Variants in PDE4D observed in about 807,000 individuals in gnomAD.
The protein encoded by PDE4D is 3',5'-cyclic-AMP phosphodiesterase 4D.
Under a neutral mutation model 87.4 loss-of-function variants are expected in PDE4D, and 24 were observed. That is an observed-to-expected ratio of 0.27 (90% CI 0.20 to 0.39). The LOEUF (loss-of-function observed/expected upper bound fraction) is 0.39. Among genes scored for constraint, PDE4D ranks in the 10% least tolerant of loss-of-function variants. The pLI is 1.00. For missense variants in PDE4D, 714 were observed against 1,041.0 expected (o/e 0.69, Z 4.32); for synonymous variants, 384 against 383.2 (o/e 1.00, Z -0.02).
intron 1 of PDE4D, among the ~76,000 whole-genome samples, chr5:60,357,531 A>G (rs892268958): frequency 2.6e-5 from 4 of 152,134 alleles, no homozygotes; most frequent in South Asian, 2.1e-4. Context: ...CTGGGACTAG[A>G]GCCTGATTTT....
At chr5:59,509,386 A>G (rs907328296) in intron 1 of PDE4D, among the ~76,000 whole-genome samples, 5 of 151,014 alleles carry the variant, frequency 3.3e-5, no homozygotes, top group African/African-American at 9.7e-5. Context: ...AGAAACTTCT[A>G]AAAGACATTT....
chr5:59,541,046 A>G (rs1265907905), intron 1 of PDE4D, among the ~76,000 whole-genome samples: 4 of 152,148 alleles, frequency 2.6e-5, no homozygotes, highest in African/African-American at 9.7e-5. Context: ...AATTTAAAGA[A>G]ACGACGCCCT....
At position 58,972,344 on chromosome 5, in the gene PDE4D, G is replaced by A. The variant is rs1239134659; in HGVS notation, c.*2320C>T. 1.3e-5 allele frequency: 2 copies of A among 152,542 alleles called. No homozygotes were observed. The highest frequency in any genetic ancestry group is 6.6e-5 in the Admixed American group (1 of 15,266). 9.4% of individuals were successfully genotyped at this position (152,542 alleles called of 1,614,324 possible). A position where few individuals can be genotyped will look rare whatever the true frequency, so the allele number is the denominator to read the frequency against. ...AAGATTACCATCTGATCTTTACAGA[G>A]GAAACAGAGTAGAAACCTTGCAATT... On this transcript the variant is annotated 3_prime_UTR_variant, in exon 15 of 15. Transcript: ENST00000340635.
At chr5:59,819,560 A>G (rs1439236082) in intron 1 of PDE4D, among the ~76,000 whole-genome samples, 1 of 152,188 alleles carries the variant, frequency 6.6e-6, no homozygotes, top group Admixed American at 6.5e-5. Context: ...TTTTGGTACA[A>G]TTTTATGGAA....
At chr5:60,403,791 G>C (rs1285503194) in intron 1 of PDE4D, among the ~76,000 whole-genome samples, 1 of 152,210 alleles carries the variant, frequency 6.6e-6, no homozygotes, top group Admixed American at 6.5e-5. Context: ...TAGGTGCACA[G>C]CTGACCTTTG....
At chr5:59,441,003 A>T (rs1375237388) in intron 1 of PDE4D, among the ~76,000 whole-genome samples, 1 of 152,240 alleles carries the variant, frequency 6.6e-6, no homozygotes, top group African/African-American at 2.4e-5. Context: ...AAGTTTGAAG[A>T]TTTAAATATT....
At chr5:59,430,771 C>A (rs1289564838) in intron 1 of PDE4D, among the ~76,000 whole-genome samples, 1 of 152,024 alleles carries the variant, frequency 6.6e-6, no homozygotes, top group East Asian at 1.9e-4. Flanking sequence ...CCATTTTTGT[C>A]TAACGTTGAA....
intron 1 of PDE4D, among the ~76,000 whole-genome samples, chr5:59,363,433 TTAA>T (rs1292453909): frequency 6.6e-6 from 1 of 152,194 alleles, no homozygotes; most frequent in Non-Finnish European, 1.5e-5. Context: ...GAGGTCCCTC[TTAA>T]TTGCAAAATG....
At chr5:59,594,063 C>T (rs1826288030) in intron 1 of PDE4D, among the ~76,000 whole-genome samples, 1 of 151,874 alleles carries the variant, frequency 6.6e-6, no homozygotes, top group Non-Finnish European at 1.5e-5. Context: ...AAATGCCCAA[C>T]TCCAGCCCAC....
chr5:59,893,234 G>C lies in PDE4D; in HGVS notation c.389C>G (p.Thr130Ser). The change falls in exon 1 of 15, where the codon ACC becomes AGC. Residue 130 changes from threonine to serine, a missense_variant. Coordinates refer to ENST00000340635, the MANE Select transcript of PDE4D (RefSeq NM_001104631.2). ...TTTCTTCAGGCCGGGCCGGTGGCCGGTCTCCACCGCGTAGGAGGTGCGGTC... is the reference window on the plus strand; with the variant it reads ...TTTCTTCAGGCCGGGCCGGTGGCCGCTCTCCACCGCGTAGGAGGTGCGGTC... The part of the protein sequence containing the change: ...AMDRTSYAVE[T>S]GHRPGLKKSR... 1 of 1,558,858 alleles carries C rather than the reference G, an allele frequency of 6.4e-7. No homozygotes were observed. The highest frequency in any genetic ancestry group is 2.4e-5 in the East Asian group (1 of 41,718).
chr5:59,481,641 A>G (rs1804278543), intron 1 of PDE4D, among the ~76,000 whole-genome samples: 1 of 152,082 alleles, frequency 6.6e-6, no homozygotes, highest in Non-Finnish European at 1.5e-5. Flanking sequence ...GAGTCTCCAC[A>G]CTTCTGTGGT....
intron 1 of PDE4D, among the ~76,000 whole-genome samples, chr5:60,253,112 G>A (rs915223673): frequency 1.3e-5 from 2 of 151,882 alleles, no homozygotes; most frequent in Non-Finnish European, 2.9e-5. Flanking sequence ...CCAATTTATG[G>A]AAACTAACTG....
intron 1 of PDE4D, among the ~76,000 whole-genome samples, chr5:60,187,324 C>A (rs917058132): frequency 2.6e-5 from 4 of 152,058 alleles, no homozygotes; most frequent in South Asian, 2.1e-4. Context: ...CCAGAAAATG[C>A]AGAATTATGT....
At chr5:59,457,726 A>G (rs188502730) in intron 1 of PDE4D, among the ~76,000 whole-genome samples, 1 of 152,184 alleles carries the variant, frequency 6.6e-6, no homozygotes, top group East Asian at 1.9e-4. Flanking sequence ...CCCCATCTCA[A>G]GTAAAAATAC....
chr5:59,943,340 CT>C (rs769328220), intron 3 of PDE4D, among the ~76,000 whole-genome samples: 14 of 152,018 alleles, frequency 9.2e-5, no homozygotes, highest in Non-Finnish European at 1.8e-4. Flanking sequence ...GTTCTTTGTC[CT>C]TCTGCTGTAC....
At position 59,768,663 on chromosome 5, in the gene PDE4D, G is replaced by A; in HGVS notation, c.455+124505C>T. On this transcript the variant is annotated intron_variant, in intron 1 of 14. Coordinates refer to ENST00000340635, the MANE Select transcript of PDE4D (RefSeq NM_001104631.2). ...GTCTCTCTGTAGAGCCTGGGGCTGGGTGCAGAGGAGGCGAGCGCACTCCTC... is the reference window on the plus strand; with the variant it reads ...GTCTCTCTGTAGAGCCTGGGGCTGGATGCAGAGGAGGCGAGCGCACTCCTC... 3 of 1,494,388 alleles carry A rather than the reference G, an allele frequency of 2.0e-6. 1 individual carries two copies. Among genetic ancestry groups the A allele is most frequent in the African/African-American group, 1.4e-5 (1 of 71,710 alleles). The allele number at this position is 1,494,388 out of a possible 1,614,324, so 92.6% of individuals were successfully genotyped here.
In PDE4D at chr5:60,084,427, C is replaced by T. The variant is rs186766132; in HGVS notation, c.43-95710G>A. Among the ~76,000 whole-genome samples the T allele has an allele frequency of 2.0e-5, 3 of 151,856 alleles. No homozygotes were observed. In the East Asian group the frequency reaches 5.8e-4, roughly 29 times the overall value. On this transcript the variant is annotated intron_variant, in intron 2 of 16. Transcript: ENST00000502484. ...GTGTGCGCGCGCGCGTGTGCGCATG[C>T]GCACGCATGTGTGTGAGAGAAATAT...
At chr5:60,297,425 G>A (rs1425542521) in intron 1 of PDE4D, among the ~76,000 whole-genome samples, 1 of 152,066 alleles carries the variant, frequency 6.6e-6, no homozygotes, top group Non-Finnish European at 1.5e-5. Flanking sequence ...AATAACAGAA[G>A]GGAGAAAATA....
chr5:59,887,285 A>G (rs894511242), intron 1 of PDE4D, among the ~76,000 whole-genome samples: 1 of 152,206 alleles, frequency 6.6e-6, no homozygotes, highest in African/African-American at 2.4e-5. Context: ...GTGTGAATAT[A>G]GGGTCCAACC....
Sources: gnomAD v4.1 joint callset for allele counts (sites outside exome capture counted in the v4.1 genomes callset) on GRCh38, gnomAD v4.1.1 for gene constraint, MANE v1.5 for transcripts, NCBI Gene and HGNC (gene_info 2026-07-23, HGNC 2026-07-21) for gene names.